The following SGCZ variants were observed in gnomAD, a reference collection of about 807,000 sequenced individuals.
The protein encoded by SGCZ is zeta-sarcoglycan.
Under a neutral mutation model 41.3 loss-of-function variants are expected in SGCZ, and 40 were observed. The ratio of observed to expected loss-of-function variants is 0.97; its 90% confidence interval spans 0.75 to 1.26. The LOEUF (loss-of-function observed/expected upper bound fraction) is 1.26. Ranked by LOEUF, SGCZ falls within the 50% of genes most tolerant of loss-of-function variation. SGCZ has a pLI of 0.00. For synonymous variants in SGCZ, 206 were observed against 137.5 expected (o/e 1.50, Z -3.49); for missense variants, 552 against 369.8 (o/e 1.49, Z -4.04).
At chr8:14,530,367 T>C (rs1803088702) in intron 2 of SGCZ, among the ~76,000 whole-genome samples, 1 of 152,142 alleles carries the variant, frequency 6.6e-6, no homozygotes, top group Non-Finnish European at 1.5e-5. Flanking sequence ...CTATTATTTA[T>C]AATTTAAACT....
rs527870306 is a variant in SGCZ at position 14,590,111 on chromosome 8, A to AC, written c.40-35186_40-35185insG. Among the ~76,000 whole-genome samples the AC allele has an allele frequency of 3.9e-5, 6 of 152,128 alleles. No homozygotes were observed. The East Asian group carries it at 9.6e-4, about 24-fold the overall frequency. Reference sequence around the variant, plus strand: ...TTGATGAGGATTGTTCTTTGGTAAAAAAAAGAACAGTAATAATCAAGTATT... The same window carrying AC: ...TTGATGAGGATTGTTCTTTGGTAAAACAAAAGAACAGTAATAATCAAGTATT... On this transcript the variant is annotated intron_variant, in intron 1 of 7. Transcript: ENST00000382080.
chr8:14,566,522 A>G (rs1158923481), intron 1 of SGCZ, among the ~76,000 whole-genome samples: 1 of 152,232 alleles, frequency 6.6e-6, no homozygotes, highest in East Asian at 1.9e-4. Context: ...AGCTTTACTC[A>G]TCATTACTTA....
intron 1 of SGCZ, among the ~76,000 whole-genome samples, chr8:14,753,352 T>A (rs911277008): frequency 1.3e-5 from 2 of 152,218 alleles, no homozygotes; most frequent in Non-Finnish European, 2.9e-5. Flanking sequence ...TATCTAAGGA[T>A]GCACACTTTT....
chr8:14,118,742 G>T (rs1029685109), intron 5 of SGCZ, among the ~76,000 whole-genome samples: 3 of 152,096 alleles, frequency 2.0e-5, no homozygotes, highest in Admixed American at 2.0e-4. Flanking sequence ...TTTTGTATAA[G>T]GTGCTAGGAA....
At chr8:14,187,651 G>C (rs1466438984) in intron 4 of SGCZ, among the ~76,000 whole-genome samples, 1 of 151,744 alleles carries the variant, frequency 6.6e-6, no homozygotes, top group Non-Finnish European at 1.5e-5. Context: ...AGATAATAGA[G>C]ATTATAAAAT....
intron 1 of SGCZ, among the ~76,000 whole-genome samples, chr8:15,058,639 G>A (rs764584966): frequency 1.3e-4 from 20 of 152,170 alleles, no homozygotes; most frequent in African/African-American, 2.4e-4. Context: ...TTCCCCTGGA[G>A]CTCTTCTTCC....
intron 4 of SGCZ, among the ~76,000 whole-genome samples, chr8:14,233,510 T>G (rs1022618171): frequency 6.6e-6 from 1 of 150,400 alleles, no homozygotes; most frequent in South Asian, 2.1e-4. Flanking sequence ...GAATTATTAT[T>G]AGTAGCGTTG....
chr8:14,708,679 T>C (rs557415123), intron 1 of SGCZ, among the ~76,000 whole-genome samples: 31 of 152,222 alleles, frequency 2.0e-4, no homozygotes, highest in East Asian at 1.7e-3. Context: ...ATCCAAGTAT[T>C]AACAAACATA....
At chr8:14,558,303 A>C (rs554971514) in intron 1 of SGCZ, among the ~76,000 whole-genome samples, 20 of 152,186 alleles carry the variant, frequency 1.3e-4, no homozygotes, top group Admixed American at 1.2e-3. Flanking sequence ...AGCTGGGCAC[A>C]GTGGTTCACA....
chr8:14,756,837 A>T (rs1432533698), intron 1 of SGCZ, among the ~76,000 whole-genome samples: 4 of 152,328 alleles, frequency 2.6e-5, no homozygotes, highest in African/African-American at 9.6e-5. Context: ...ATTTAATGAA[A>T]TCTCACAAGT....
chr8:14,727,794 G>A (rs191588136), intron 1 of SGCZ, among the ~76,000 whole-genome samples: 3 of 152,102 alleles, frequency 2.0e-5, no homozygotes, highest in Admixed American at 1.3e-4. Context: ...GTGAGCCACC[G>A]CGCCCAGCCA....
intron 2 of SGCZ, among the ~76,000 whole-genome samples, chr8:14,392,960 G>A (rs893574579): frequency 6.6e-6 from 1 of 151,828 alleles, no homozygotes; most frequent in Non-Finnish European, 1.5e-5. Context: ...ATTACACTTT[G>A]TACTTAATTA....
At chr8:14,912,046 A>G (rs1030460225) in intron 1 of SGCZ, among the ~76,000 whole-genome samples, 1 of 151,164 alleles carries the variant, frequency 6.6e-6, no homozygotes, top group Non-Finnish European at 1.5e-5. Context: ...GACGCTATGT[A>G]AGCTATTTGC....
chr8:15,126,823 GC>G (rs369383558), intron 1 of SGCZ, among the ~76,000 whole-genome samples: 36 of 152,220 alleles, frequency 2.4e-4, no homozygotes, highest in Middle Eastern at 3.4e-3. Flanking sequence ...GGAGATAATA[GC>G]CAATTTGACA....
chr8:14,836,718 C>G (rs1802714277), intron 1 of SGCZ, among the ~76,000 whole-genome samples: 1 of 152,150 alleles, frequency 6.6e-6, no homozygotes, highest in Non-Finnish European at 1.5e-5. Context: ...CCAGGCTGGT[C>G]TCAAACTCCT....
chr8:14,177,915 T>C (rs892628482), intron 4 of SGCZ, among the ~76,000 whole-genome samples: 11 of 151,564 alleles, frequency 7.3e-5, no homozygotes, highest in Non-Finnish European at 1.3e-4. Context: ...TCAAGGCCAC[T>C]TGGAGATTTT....
At chr8:14,374,725 T>C (rs1804050604) in intron 2 of SGCZ, among the ~76,000 whole-genome samples, 2 of 152,146 alleles carry the variant, frequency 1.3e-5, no homozygotes. Flanking sequence ...ATAATTGGTC[T>C]TTTTCTAATG....
intron 4 of SGCZ, among the ~76,000 whole-genome samples, chr8:14,228,385 CTTTG>C (rs567248181): frequency 3.9e-4 from 59 of 152,110 alleles, no homozygotes; most frequent in African/African-American, 1.3e-3. Flanking sequence ...TCCTTTCTTA[CTTTG>C]TTTAACTTAT....
chr8:15,110,407 T>C (rs970278095), intron 1 of SGCZ, among the ~76,000 whole-genome samples: 1 of 152,236 alleles, frequency 6.6e-6, no homozygotes, highest in Non-Finnish European at 1.5e-5. Context: ...GATCCATGGA[T>C]AGGCTGACCC....
Sources: allele counts gnomAD v4.1 joint callset (sites outside exome capture counted in the v4.1 genomes callset), GRCh38; gene constraint gnomAD v4.1.1; transcripts MANE v1.5; gene names NCBI Gene and HGNC (gene_info 2026-07-23, HGNC 2026-07-21).